The following MEF2C variants were observed in gnomAD, a reference collection of about 807,000 sequenced individuals.
MEF2C encodes myocyte-specific enhancer factor 2C.
Under a neutral mutation model 50.5 loss-of-function variants are expected in MEF2C, and 6 were observed. The ratio of observed to expected loss-of-function variants is 0.12; its 90% CI spans 0.07 to 0.23. MEF2C has a LOEUF of 0.23. Among genes scored for constraint, MEF2C ranks in the 10% least tolerant of loss-of-function variants. The pLI is 1.00. For missense variants in MEF2C, 276 were observed against 605.0 expected (o/e 0.46, Z 5.70); for synonymous variants, 183 against 228.0 (o/e 0.80, Z 1.78).
intron 2 of MEF2C, among the ~76,000 whole-genome samples, chr5:88,821,530 C>A (rs1295457567): frequency 6.6e-6 from 1 of 151,844 alleles, no homozygotes; most frequent in Non-Finnish European, 1.5e-5. Flanking sequence ...GTTGGGATTA[C>A]AAGCATGAAC....
chr5:88,860,977 T>C (rs1433307109), intron 1 of MEF2C, among the ~76,000 whole-genome samples: 1 of 152,178 alleles, frequency 6.6e-6, no homozygotes, highest in Non-Finnish European at 1.5e-5. Context: ...AGTTCATCAC[T>C]TCCCCTGTTA....
At chr5:88,851,787 G>T (rs189401570) in intron 1 of MEF2C, among the ~76,000 whole-genome samples, 7 of 151,912 alleles carry the variant, frequency 4.6e-5, no homozygotes, top group African/African-American at 1.7e-4. Flanking sequence ...TGTGTGAATA[G>T]GTTGTAATAT....
intron 6 of MEF2C, chr5:88,736,561 C>G: frequency 1.1e-6 from 1 of 937,364 alleles, no homozygotes; most frequent in Non-Finnish European, 1.3e-6. Flanking sequence ...GGCCTCTGGT[C>G]TCTACTTGAG....
rs1370166849 is a variant in MEF2C, at chr5:88,751,992, G to T, written c.454C>A (p.His152Asn). The change falls in exon 5 of 11, where the codon CAC (histidine) becomes AAC (asparagine). Residue 152 changes from histidine to asparagine, a missense_variant. Around this residue, in one of 2 missense-constraint regions of MEF2C, gnomAD observed 256 missense variants for 468.1 expected, o/e 0.55. Transcript: ENST00000504921. ...GGGTTGCTGTACACCAAACTGTTGTGGCTGGACACTGGGATGGAGACTGGC... is the reference window on the plus strand; with the variant it reads ...GGGTTGCTGTACACCAAACTGTTGTTGCTGGACACTGGGATGGAGACTGGC... ...EMPVSIPVSS[H>N]NSLVYSNPVS... The T allele has an allele frequency of 6.2e-7, 1 of 1,613,658 alleles. No individual in the cohort carries two copies. The highest frequency in any genetic ancestry group is 1.1e-5 in the South Asian group (1 of 91,006).
chr5:88,734,560 AGTTTGTTT>A (rs1763065505), intron 6 of MEF2C: 11 of 535,488 alleles, frequency 2.1e-5, no homozygotes, highest in Non-Finnish European at 2.4e-5. Flanking sequence ...CCTTGAGAAA[AGTTTGTTT>A]TTTTTTTTTT....
intron 1 of MEF2C, among the ~76,000 whole-genome samples, chr5:88,893,707 G>C (rs13188739): frequency 0.22 from 34,142 of 152,086 alleles, 4,139 homozygotes; most frequent in Non-Finnish European, 0.29. Flanking sequence ...TATAGAAATT[G>C]TGGAACAAGG....
chr5:88,870,119 T>C (rs969320088), intron 1 of MEF2C, among the ~76,000 whole-genome samples: 1 of 152,000 alleles, frequency 6.6e-6, no homozygotes, highest in Non-Finnish European at 1.5e-5. Flanking sequence ...TAATTGGAAA[T>C]TTAATAATTT....
chr5:88,831,544 G>A (rs1006857376), intron 1 of MEF2C, among the ~76,000 whole-genome samples: 4 of 151,838 alleles, frequency 2.6e-5, no homozygotes, highest in Non-Finnish European at 5.9e-5. Flanking sequence ...CCCTGCCAAT[G>A]TTTTTGTTGT....
At chr5:88,741,807 A>C in intron 6 of MEF2C, 2 of 985,198 alleles carry the variant, frequency 2.0e-6, no homozygotes, top group Non-Finnish European at 2.4e-6. Flanking sequence ...AAAATAGATA[A>C]ACTTAAATTT....
At chr5:88,833,183 G>A (rs191084340) in intron 1 of MEF2C, among the ~76,000 whole-genome samples, 77 of 152,244 alleles carry the variant, frequency 5.1e-4, no homozygotes, top group Middle Eastern at 3.4e-3. Flanking sequence ...TCCCTCTCAA[G>A]AGGAAAATTC....
intron 1 of MEF2C, among the ~76,000 whole-genome samples, chr5:88,891,511 T>A (rs1395754707): frequency 1.3e-5 from 2 of 150,636 alleles, no homozygotes; most frequent in East Asian, 4.0e-4. Flanking sequence ...CATGCCATTC[T>A]CCTGCCTCAG....
chr5:88,817,067 C>G (rs72771898), intron 2 of MEF2C, among the ~76,000 whole-genome samples: 1 of 152,076 alleles, frequency 6.6e-6, no homozygotes, highest in Non-Finnish European at 1.5e-5. Context: ...GAGACTGCAT[C>G]TTCCATCTAT....
intron 1 of MEF2C, among the ~76,000 whole-genome samples, chr5:88,874,898 G>C (rs955385223): frequency 2.6e-5 from 4 of 151,936 alleles, no homozygotes; most frequent in African/African-American, 9.6e-5. Flanking sequence ...TCTCCTGAAG[G>C]CTCCCATTTA....
At chr5:88,869,526 G>A (rs1463844514) in intron 1 of MEF2C, among the ~76,000 whole-genome samples, 1 of 151,174 alleles carries the variant, frequency 6.6e-6, no homozygotes, top group Admixed American at 6.6e-5. Flanking sequence ...TAAATACCAT[G>A]AACTGTACAC....
intron 2 of MEF2C, among the ~76,000 whole-genome samples, chr5:88,806,353 C>G (rs1800432737): frequency 6.6e-6 from 1 of 152,184 alleles, no homozygotes; most frequent in Non-Finnish European, 1.5e-5. Context: ...CAATGCATGT[C>G]CTCCAGTTCC....
chr5:88,890,276 TG>T, intron 1 of MEF2C, among the ~76,000 whole-genome samples: 2 of 152,316 alleles, frequency 1.3e-5, no homozygotes, highest in African/African-American at 4.8e-5. Flanking sequence ...CCTTTCCCCT[TG>T]TACCCCCTTT....
intron 3 of MEF2C, among the ~76,000 whole-genome samples, chr5:88,787,706 T>G (rs963949694): frequency 2.0e-5 from 3 of 152,218 alleles, no homozygotes; most frequent in Non-Finnish European, 2.9e-5. Context: ...CAACTACAGT[T>G]AAGGAAAACC....
intron 1 of MEF2C, among the ~76,000 whole-genome samples, chr5:88,865,575 A>T (rs1440763468): frequency 6.6e-6 from 1 of 152,162 alleles, no homozygotes; most frequent in Non-Finnish European, 1.5e-5. Context: ...CATATTTACA[A>T]CTCAAATGGA....
chr5:88,767,500 G>A (rs951330710), intron 3 of MEF2C, among the ~76,000 whole-genome samples: 1 of 151,984 alleles, frequency 6.6e-6, no homozygotes, highest in African/African-American at 2.4e-5. Context: ...AGTACAAAAA[G>A]TTAGATTTTA....
Sources: allele counts gnomAD v4.1 joint callset (sites outside exome capture counted in the v4.1 genomes callset), GRCh38; gene constraint gnomAD v4.1.1; regional missense constraint gnomAD v4.1.1; transcripts MANE v1.5; gene names NCBI Gene and HGNC (gene_info 2026-07-23, HGNC 2026-07-21).